Variants in GDA observed in about 807,000 individuals in gnomAD.
The protein encoded by GDA is cytoplasmic PSD-95 interactor.
Under a neutral mutation model 59.6 loss-of-function variants are expected in GDA, and 18 were observed. The observed-to-expected ratio is 0.30, with a 90% CI of 0.21 to 0.45. The LOEUF (loss-of-function observed/expected upper bound fraction) is 0.45, where lower values mean the gene tolerates loss of function less well. GDA is among the 20% of genes least tolerant of loss of function. The pLI is 1.00. For missense variants in GDA, 427 were observed against 552.3 expected, an observed-to-expected ratio of 0.77 and a Z score of 2.27; for synonymous variants, 201 against 201.1, an observed-to-expected ratio of 1.00 and a Z score of 0.00.
rs1840372795 is a variant in GDA at position 72,248,410 on chromosome 9, G to A, written c.*68G>A. The A allele has an allele frequency of 4.4e-6, 7 of 1,605,644 alleles. No homozygotes were observed. The South Asian group carries it at 6.7e-5, about 15-fold the overall frequency. On this transcript the variant is annotated 3_prime_UTR_variant, in exon 14 of 14. Coordinates refer to ENST00000358399, the MANE Select transcript of GDA (RefSeq NM_004293.5). ...TCTGCATCTCCCTTGTGCCCAGGTG[G>A]AGTTAGAAAGTCAAAAAATAGTACC...
In GDA at chr9:72,250,762, T is replaced by G. The variant is rs1374525980; in HGVS notation, c.*2420T>G. On this transcript the variant is annotated 3_prime_UTR_variant, in exon 14 of 14. Coordinates refer to ENST00000358399, the MANE Select transcript of GDA (RefSeq NM_004293.5). ...TGCTCTCTGACAGGAAAGAAACAAT[T>G]CACTTACCAGCCTCCTCACCCCATC... is the stretch of plus-strand genomic sequence containing the variant. The G allele has an allele frequency of 6.2e-7, 1 of 1,611,348 alleles. No homozygotes were observed. Among genetic ancestry groups the G allele is most frequent in the African/African-American group, 1.3e-5 (1 of 74,888 alleles).
rs1458949210 is a variant in GDA at position 72,200,432 on chromosome 9, C to T, written c.213-2139C>T. Among the ~76,000 whole-genome samples, 3 of 126,752 alleles carry T rather than the reference C, an allele frequency of 2.4e-5. No individual in the cohort carries two copies. The East Asian group carries it at 6.2e-4, about 26-fold the overall frequency. The allele number at this position is 126,752 out of a possible 152,430, so 83.2% of individuals were successfully genotyped here. A position where few individuals can be genotyped will look rare whatever the true frequency, so the allele number is the denominator to read the frequency against. On this transcript the variant is annotated intron_variant, in intron 2 of 13. Transcript: ENST00000358399. ...TCCTTTCTCGTCCTTTTCCTCTTCTCCTCCTCTCCTTTTTCTTTCTCCTCA... is the reference window on the plus strand; with the variant it reads ...TCCTTTCTCGTCCTTTTCCTCTTCTTCTCCTCTCCTTTTTCTTTCTCCTCA...
chr9:72,153,009 G>A (rs1252349545), intron 1 of GDA, among the ~76,000 whole-genome samples: 2 of 152,216 alleles, frequency 1.3e-5, no homozygotes, highest in Admixed American at 1.3e-4. Flanking sequence ...TTCTACATAT[G>A]GCTAGCCAGT....
chr9:72,180,903 T>C (rs939498739), intron 1 of GDA, among the ~76,000 whole-genome samples: 1 of 152,248 alleles, frequency 6.6e-6, no homozygotes, highest in Admixed American at 6.5e-5. Flanking sequence ...TTGTTTTAGA[T>C]TGCTGGTGTT....
chr9:72,188,656 T>A (rs1162658040), intron 1 of GDA, among the ~76,000 whole-genome samples: 1 of 152,154 alleles, frequency 6.6e-6, no homozygotes, highest in Non-Finnish European at 1.5e-5. Flanking sequence ...ACTATGGCAA[T>A]ACTGCACAAA....
chr9:72,218,272 C>A (rs745814213), intron 5 of GDA, among the ~76,000 whole-genome samples: 1 of 152,176 alleles, frequency 6.6e-6, no homozygotes, highest in Non-Finnish European at 1.5e-5. Flanking sequence ...GCTTTAGATA[C>A]AAATCTTTGC....
chr9:72,259,250 C>G (rs1246278801), downstream of GDA, among the ~76,000 whole-genome samples: 2 of 152,072 alleles, frequency 1.3e-5, no homozygotes, highest in Non-Finnish European at 2.9e-5. Flanking sequence ...GTCTTGAATT[C>G]CTGACCTTGT....
rs1361172305 is a variant in GDA, at chr9:72,118,341, C to T, written c.-100+3508C>T. On this transcript the variant is annotated intron_variant, in intron 1 of 13. Coordinates refer to the GDA transcript ENST00000545168. Reference sequence around the variant, plus strand: ...TCAAAGAAAGAAAATTAATTCCTTACGTCTTTCTTTAGAACCACTAAATAC... The same window carrying T: ...TCAAAGAAAGAAAATTAATTCCTTATGTCTTTCTTTAGAACCACTAAATAC... Among the ~76,000 whole-genome samples the T allele has an allele frequency of 5.4e-5, 8 of 148,428 alleles. No individual in the cohort carries two copies. In the East Asian group the frequency reaches 1.4e-3, roughly 26 times the overall value.
At chr9:72,140,647 G>C (rs1054763203) in intron 1 of GDA, among the ~76,000 whole-genome samples, 11 of 152,142 alleles carry the variant, frequency 7.2e-5, no homozygotes, top group Non-Finnish European at 1.3e-4. Context: ...GTCATATTAT[G>C]TGTTCCGGGC....
intron 10 of GDA, among the ~76,000 whole-genome samples, chr9:72,239,820 G>T (rs570075876): frequency 6.6e-6 from 1 of 152,186 alleles, no homozygotes; most frequent in South Asian, 2.1e-4. Context: ...TTAGAGAGCT[G>T]GGTGATTCTC....
chr9:72,258,165 T>C (rs192181942), downstream of GDA, among the ~76,000 whole-genome samples: 638 of 150,868 alleles, frequency 4.2e-3, 6 homozygotes, highest in Non-Finnish European at 7.6e-3. Flanking sequence ...ATAAAAAATG[T>C]AGCTGGGCAT....
At chr9:72,160,169 G>A (rs576894867) in intron 1 of GDA, among the ~76,000 whole-genome samples, 106 of 152,200 alleles carry the variant, frequency 7.0e-4, no homozygotes, top group African/African-American at 2.4e-3. Flanking sequence ...AATTAGCTGG[G>A]CATGGTGGCG....
In GDA at chr9:72,213,948, G is replaced by A; in HGVS notation, c.535G>A (p.Glu179Lys). 1 of 1,611,402 alleles carries A rather than the reference G, an allele frequency of 6.2e-7. No homozygotes were observed. The highest frequency in any genetic ancestry group is 8.5e-7 in the Non-Finnish European group (1 of 1,177,514). Residue 179 changes from glutamate (E) to lysine (K), a missense_variant, in exon 5 of 14, where the codon GAA becomes AAA. Transcript: ENST00000358399. Reference sequence around the variant, plus strand: ...CATGGATTTGAATGACACTTTTCCAGAATACAAGGAGACCACTGAGGAATC... The same window carrying A: ...CATGGATTTGAATGACACTTTTCCAAAATACAAGGAGACCACTGAGGAATC... ...VCMDLNDTFP[E>K]YKETTEESIK... is the part of the protein sequence containing the mutation.
At chr9:72,226,913 C>A (rs948654036) in intron 8 of GDA, among the ~76,000 whole-genome samples, 1 of 151,972 alleles carries the variant, frequency 6.6e-6, no homozygotes, top group Non-Finnish European at 1.5e-5. Flanking sequence ...GTCAGGAGAT[C>A]GAGACCATCC....
At chr9:72,166,366 T>C (rs1829310249) in intron 1 of GDA, among the ~76,000 whole-genome samples, 1 of 129,724 alleles carries the variant, frequency 7.7e-6, no homozygotes, top group Non-Finnish European at 1.5e-5. Flanking sequence ...GTTGATCTTA[T>C]GGAGATAGAA....
intron 1 of GDA, among the ~76,000 whole-genome samples, chr9:72,116,385 C>CA: frequency 1.2e-5 from 1 of 82,490 alleles, no homozygotes; most frequent in East Asian, 3.0e-4. Context: ...GTTTCCCCAG[C>CA]CTTTTTTTTT....
chr9:72,170,581 A>G (rs1161251802), intron 1 of GDA, among the ~76,000 whole-genome samples: 4 of 152,136 alleles, frequency 2.6e-5, no homozygotes, highest in South Asian at 2.1e-4. Context: ...CGTAAAATGG[A>G]TATGGGGAGG....
intron 3 of GDA, among the ~76,000 whole-genome samples, chr9:72,205,894 T>C (rs1292362713): frequency 1.3e-5 from 2 of 152,190 alleles, no homozygotes; most frequent in Non-Finnish European, 2.9e-5. Context: ...ACCTCCTGGT[T>C]TGGGCCTGAC....
rs536115795 is a variant in GDA at position 72,169,508 on chromosome 9, A to G, written c.123+19826A>G. ...AATCTATTCTTTTGGAAATAGAGCC[A>G]TGATCTAACTTAATGTGGCTACTCT... On this transcript the variant is annotated intron_variant, in intron 1 of 13. Coordinates refer to ENST00000358399, the MANE Select transcript of GDA (RefSeq NM_004293.5). Among the ~76,000 whole-genome samples the G allele has an allele frequency of 1.4e-4, 22 of 152,328 alleles. No homozygotes were observed. In the East Asian group the frequency reaches 2.9e-3, roughly 20 times the overall value.
Sources: gnomAD v4.1 joint callset for allele counts (sites outside exome capture counted in the v4.1 genomes callset) on GRCh38, gnomAD v4.1.1 for gene constraint, MANE v1.5 for transcripts, NCBI Gene and HGNC (gene_info 2026-07-23, HGNC 2026-07-21) for gene names.